ULK1: variants seen among roughly 807,000 people sequenced by gnomAD.
The protein encoded by ULK1 is unc-51 like autophagy activating kinase 1.
ULK1 carries 48 observed loss-of-function variants against 117.5 expected under a neutral mutation model. That is an observed-to-expected ratio of 0.41 (90% CI 0.32 to 0.52). The LOEUF (loss-of-function observed/expected upper bound fraction) is 0.52, where lower values mean the gene tolerates loss of function less well. Ranked by LOEUF, ULK1 falls within the 20% of genes least tolerant of loss-of-function variation. The pLI, the probability that ULK1 is intolerant of heterozygous loss-of-function variation, is 0.29. For synonymous variants in ULK1, 790 were observed against 637.8 expected, an observed-to-expected ratio of 1.24 and a Z score of -3.60; for missense variants, 1,387 against 1,473.4, an observed-to-expected ratio of 0.94 and a Z score of 0.96.
chr12:131,922,457 CAGTTT>C lies in ULK1; in HGVS notation c.*1097_*1101del. 5.5e-6 allele frequency: 1 copy of C among 182,634 alleles called. No homozygotes were observed. Among genetic ancestry groups the C allele is most frequent in the South Asian group, 9.6e-5 (1 of 10,432 alleles). 11.3% of individuals were successfully genotyped at this position (182,634 alleles called of 1,614,324 possible). On this transcript the variant is annotated 3_prime_UTR_variant, in exon 28 of 28. Coordinates refer to ENST00000321867, the MANE Select transcript of ULK1 (RefSeq NM_003565.4). Reference sequence around the variant, plus strand: ...AAGCTCCCCGTCCAGCTTTGACAGTCAGTTTTGATGTCAGCTCCTCGGCAGGGTAG... The same window carrying C: ...AAGCTCCCCGTCCAGCTTTGACAGTCTGATGTCAGCTCCTCGGCAGGGTAG...
At position 131,922,469 on chromosome 12, in the gene ULK1, CAG is replaced by C; in HGVS notation, c.*1109_*1110del. The C allele has an allele frequency of 5.7e-6, 1 of 176,360 alleles. No individual in the cohort carries two copies. Among genetic ancestry groups the C allele is most frequent in the Non-Finnish European group, 1.2e-5 (1 of 81,940 alleles). 10.9% of individuals were successfully genotyped at this position (176,360 alleles called of 1,614,324 possible). A position where few individuals can be genotyped will look rare whatever the true frequency, so the allele number is the denominator to read the frequency against. Reference sequence around the variant, plus strand: ...CAGCTTTGACAGTCAGTTTTGATGTCAGCTCCTCGGCAGGGTAGGCCTGATGA... The same window carrying C: ...CAGCTTTGACAGTCAGTTTTGATGTCCTCCTCGGCAGGGTAGGCCTGATGA... On this transcript the variant is annotated 3_prime_UTR_variant, in exon 28 of 28. Transcript: ENST00000321867.
In ULK1 at chr12:131,921,610, C is replaced by T. The variant is rs561786668; in HGVS notation, c.*249C>T. The T allele has an allele frequency of 2.7e-4, 174 of 640,084 alleles. No homozygotes were observed. The highest frequency in any genetic ancestry group is 2.7e-3 in the African/African-American group (147 of 54,880). 39.7% of individuals were successfully genotyped at this position (640,084 alleles called of 1,614,324 possible). ...GGGGATCACAGAATTTCTGCCCCTC[C>T]AGCTGCCTGGCTCAGCAGGCGTGGG... On this transcript the variant is annotated 3_prime_UTR_variant, in exon 28 of 28. Transcript: ENST00000321867.
intron 19 of ULK1, 58 bp from the exon 20 acceptor site, chr12:131,916,340 C>G: frequency 2.0e-6 from 3 of 1,524,708 alleles, no homozygotes; most frequent in Non-Finnish European, 2.6e-6. Context: ...TCCCCAGGCA[C>G]CGGGCCCCAG....
chr12:131,908,289 T>C (rs1410654517), intron 5 of ULK1, among the ~76,000 whole-genome samples: 1 of 151,878 alleles, frequency 6.6e-6, no homozygotes, highest in African/African-American at 2.4e-5. Context: ...GCGGGTCGGG[T>C]CGGGCTGTGC....
Position 131,919,567 on chromosome 12 carries a change from G to A in ULK1, c.2780G>A (p.Cys927Tyr), listed in dbSNP as rs769658941. 3.7e-6 allele frequency: 6 copies of A among 1,612,058 alleles called. No homozygotes were observed. The Admixed American group carries it at 5.0e-5, about 13-fold the overall frequency. The change falls in exon 25 of 28, where the codon TGC becomes TAC. Residue 927 changes from cysteine to tyrosine, a missense_variant. This residue lies in a region of ULK1 where 900 missense variants were observed against 858.9 expected (regional missense o/e 1.05). Coordinates refer to ENST00000321867, the MANE Select transcript of ULK1 (RefSeq NM_003565.4). ...AIDQIRAGKL[C>Y]LSSTVKQVVR... Reference sequence around the variant, plus strand: ...GACCAGATCCGGGCCGGCAAGCTCTGCCTGTCGTCCACTGTGAAGCAGGGT... The same window carrying A: ...GACCAGATCCGGGCCGGCAAGCTCTACCTGTCGTCCACTGTGAAGCAGGGT...
intron 3 of ULK1, among the ~76,000 whole-genome samples, chr12:131,898,676 A>G (rs1278048626): frequency 6.7e-6 from 1 of 149,500 alleles, no homozygotes; most frequent in Non-Finnish European, 1.5e-5. Context: ...TAATTTTTGT[A>G]TTTGCAGTAG....
rs761231228 is a variant in ULK1 at position 131,913,803 on chromosome 12, C to G, written c.1214C>G (p.Ser405Cys). 9.5e-6 allele frequency: 15 copies of G among 1,573,294 alleles called. No individual in the cohort carries two copies. In the South Asian group the frequency reaches 1.6e-4, roughly 17 times the overall value. Residue 405 changes from serine (S) to cysteine (C), a missense_variant, in exon 15 of 28, where the codon TCC (serine) becomes TGC (cysteine). By Grantham distance (112) the Ser-to-Cys change is moderately radical (BLOSUM62 -1). Transcript: ENST00000321867. Reference protein sequence around the residue: ...LESHGRTPSPSPPCSSSPSPS... With the variant: ...LESHGRTPSPCPPCSSSPSPS... ...AGCCACGGCCGGACCCCATCTCCAT[C>G]CCCACCCTGCAGCAGCTCCCCCAGT...
At chr12:131,913,031 C>G (rs567782611) in intron 13 of ULK1, among the ~76,000 whole-genome samples, 167 bp from the exon 14 acceptor site, 240 of 152,326 alleles carry the variant, frequency 1.6e-3, no homozygotes, top group African/African-American at 5.5e-3. Flanking sequence ...AGGGAGGATG[C>G]AGCCTGGACT....
rs1335220129 is a variant in ULK1 at position 131,916,380 on chromosome 12, C to T, written c.1879-18C>T. The stretch of plus-strand genomic sequence containing the variant: ...GCAGACCTGCGGGGCAGTCTTCACC[C>T]CATCTCTGTCCTCCTAGGCTGTGCC... On this transcript the variant is annotated intron_variant, in intron 19 of 27. Coordinates refer to ENST00000321867, the MANE Select transcript of ULK1 (RefSeq NM_003565.4). 6.4e-7 allele frequency: 1 copy of T among 1,550,586 alleles called. No homozygotes were observed.
chr12:131,918,778 C>CA (rs1889987712), intron 23 of ULK1, 97 bp downstream of exon 23: 3 of 275,508 alleles, frequency 1.1e-5, no homozygotes, highest in East Asian at 1.3e-4. Context: ...TGTGGGGTGT[C>CA]GGGTGTGGGG....
intron 26 of ULK1, 54 bp downstream of exon 26, chr12:131,920,190 C>T (rs775408718): frequency 8.8e-5 from 140 of 1,585,800 alleles, no homozygotes; most frequent in Middle Eastern, 3.3e-4. Flanking sequence ...CCAGGCCCGC[C>T]GTCTCCACTG....
chr12:131,919,637 C>T (rs767714134), intron 25 of ULK1, 47 bp downstream of exon 25: 4 of 1,587,810 alleles, frequency 2.5e-6, no homozygotes, highest in Non-Finnish European at 2.6e-6. Flanking sequence ...GGGGAGGAAG[C>T]CCACCTTGCA....
chr12:131,913,883 C>A (rs547499854), intron 15 of ULK1, 47 bp downstream of exon 15: 34 of 1,413,700 alleles, frequency 2.4e-5, no homozygotes, highest in Non-Finnish European at 3.1e-5. Flanking sequence ...AACAGTCCCC[C>A]GGCTGGAGGT....
chr12:131,910,731 C>A lies in ULK1; in HGVS notation c.879C>A (p.Pro293=). Residue 293 remains proline (P), a synonymous_variant, in exon 12 of 28, where the codon CCC becomes CCA. Coordinates refer to ENST00000321867, the MANE Select transcript of ULK1 (RefSeq NM_003565.4). The part of the protein sequence containing the change: ...SVRKSPPVPV[P]SYPSSGSGSS... ...TCTCAGCCCCACCCGTGCCTGTGCC[C>A]TCGTACCCAAGCTCGGGGTCCGGCA... The A allele has an allele frequency of 6.2e-7, 1 of 1,613,046 alleles. No individual in the cohort carries two copies. The highest frequency in any genetic ancestry group is 1.3e-5 in the African/African-American group (1 of 75,034).
rs914416175 is a variant in ULK1, at chr12:131,916,481, G to A, written c.1962G>A (p.Thr654=). ...TAGCCCGGCAGGGCGTGGTGATGAC[G>A]CCCCCTCGAAACCGGACGCTGCCCG... The part of the protein sequence containing the change: ...ALLARQGVVM[T]PPRNRTLPDL... Residue 654 remains threonine, a synonymous_variant, in exon 20 of 28, where the codon ACG becomes ACA. Coordinates refer to ENST00000321867, the MANE Select transcript of ULK1 (RefSeq NM_003565.4). 7.4e-6 allele frequency: 12 copies of A among 1,612,082 alleles called. No homozygotes were observed. The highest frequency in any genetic ancestry group is 1.3e-5 in the African/African-American group (1 of 74,900).
chr12:131,920,707 T>C (rs1356370779), intron 26 of ULK1: 2 of 225,234 alleles, frequency 8.9e-6, no homozygotes, highest in African/African-American at 2.3e-5. Context: ...CAAAAACTCA[T>C]GAGTGCCTGA....
rs776408589 is a variant in ULK1, at chr12:131,919,509, G to A, written c.2722G>A (p.Glu908Lys). The A allele has an allele frequency of 1.2e-5, 19 of 1,611,950 alleles. No individual in the cohort carries two copies. The highest frequency in any genetic ancestry group is 1.7e-5 in the Admixed American group (1 of 59,992). Residue 908 changes from glutamate (E) to lysine (K), a missense_variant, in exon 25 of 28, where the codon GAG (glutamate) becomes AAG (lysine). Transcript: ENST00000321867. ...EQLVLYLKVA[E>K]LLSSGLQSAI... Reference sequence around the variant, plus strand: ...GCTGGTGCTGTACCTGAAGGTGGCCGAGCTACTGTCCTCCGGCCTGCAAAG... The same window carrying A: ...GCTGGTGCTGTACCTGAAGGTGGCCAAGCTACTGTCCTCCGGCCTGCAAAG...
chr12:131,920,805 C>T (rs1852708334), intron 26 of ULK1: 2 of 405,502 alleles, frequency 4.9e-6, no homozygotes, highest in African/African-American at 2.0e-5. Flanking sequence ...TGCCCCCCTT[C>T]CCGCCCAGGC....
chr12:131,910,290 C>T lies in ULK1; in HGVS notation c.845C>T (p.Pro282Leu), dbSNP rs770218305. Residue 282 changes from proline to leucine, a missense_variant, in exon 11 of 28, where the codon CCC (proline) becomes CTC (leucine). Pro to Leu is a moderately conservative substitution (Grantham distance 98). Transcript: ENST00000321867. ...CATCACCCTTTCCTCGATGCCAGCC[C>T]CTCGGTCAGGAAATGTGAGTTTCTG... ...FFHHPFLDAS[P>L]SVRKSPPVPV... The T allele has an allele frequency of 1.2e-6, 2 of 1,613,800 alleles. No homozygotes were observed. The highest frequency in any genetic ancestry group is 1.1e-5 in the South Asian group (1 of 91,086).
Sources: gnomAD v4.1 joint callset for allele counts (sites outside exome capture counted in the v4.1 genomes callset) on GRCh38, gnomAD v4.1.1 for gene constraint, gnomAD v4.1.1 regional missense constraint, MANE v1.5 for transcripts, NCBI Gene and HGNC (gene_info 2026-07-23, HGNC 2026-07-21) for gene names.